The following CIBAR1 variants were observed in gnomAD, a reference collection of about 807,000 sequenced individuals.
The protein encoded by CIBAR1 is CBY1 interacting BAR domain containing 1.
Under a neutral mutation model 44.0 loss-of-function variants are expected in CIBAR1, and 25 were observed. That is an observed-to-expected ratio of 0.57 (90% confidence interval 0.41 to 0.79). The LOEUF is 0.79. CIBAR1 is among the 30% of genes least tolerant of loss of function. The pLI, the probability that CIBAR1 is intolerant of heterozygous loss-of-function variation, is 0.00. For missense variants in CIBAR1, 278 were observed against 344.8 expected (o/e 0.81, Z 1.53); for synonymous variants, 115 against 119.0 (o/e 0.97, Z 0.22).
chr8:93,712,998 T>C lies in CIBAR1; in HGVS notation c.543+3123T>C, dbSNP rs183350517. 4.5e-4 allele frequency among the ~76,000 whole-genome samples: 68 copies of C among 150,752 alleles called. 2 individuals are homozygous for C. The East Asian group carries it at 0.012, about 27-fold the overall frequency. ...TATATCTGCCTTGAACAAATGGCTATTGAGATCCTTTACCCTTTTTTTCTC... is the reference window on the plus strand; with the variant it reads ...TATATCTGCCTTGAACAAATGGCTACTGAGATCCTTTACCCTTTTTTTCTC... On this transcript the variant is annotated intron_variant, in intron 6 of 8. Coordinates refer to ENST00000518322, the MANE Select transcript of CIBAR1 (RefSeq NM_145269.5).
intron 7 of CIBAR1, 135 bp from the exon 8 acceptor site, chr8:93,726,253 TTTTACA>T (rs1811492029): frequency 1.0e-5 from 7 of 702,698 alleles, no homozygotes; most frequent in Non-Finnish European, 1.6e-5. Flanking sequence ...TTGTCTTTTC[TTTTACA>T]TTTACAATAA....
chr8:93,709,414 G>A (rs1369513119), intron 5 of CIBAR1, among the ~76,000 whole-genome samples: 2 of 152,156 alleles, frequency 1.3e-5, no homozygotes, highest in East Asian at 3.9e-4. Context: ...TTTGATAAAT[G>A]GCACAGGTAG....
At chr8:93,703,492 G>A in intron 2 of CIBAR1, 128 bp from the exon 3 acceptor site, 1 of 562,556 alleles carries the variant, frequency 1.8e-6, no homozygotes, top group South Asian at 2.9e-5. Context: ...CTATTACTGT[G>A]CAGCTTAACA....
chr8:93,701,066 C>G, intron 1 of CIBAR1, 158 bp from the exon 2 acceptor site: 1 of 1,473,594 alleles, frequency 6.8e-7, no homozygotes, highest in South Asian at 1.4e-5. Flanking sequence ...AGGTCAGGAC[C>G]CCATGGAGAG....
rs541657683 is a variant in CIBAR1 at position 93,717,968 on chromosome 8, AC to A, written c.544-705del. On this transcript the variant is annotated intron_variant, in intron 6 of 8. Coordinates refer to ENST00000518322, the MANE Select transcript of CIBAR1 (RefSeq NM_145269.5). ...GGTTTCCATCATGCTTATAGAGGTTACCTGCACGGTTTATCTGTGAAGGAAA... is the reference window on the plus strand; with the variant it reads ...GGTTTCCATCATGCTTATAGAGGTTACTGCACGGTTTATCTGTGAAGGAAA... 5.8e-4 allele frequency among the ~76,000 whole-genome samples: 88 copies of A among 152,260 alleles called. 2 individuals are homozygous for A. The South Asian group carries it at 0.018, about 30-fold the overall frequency.
rs1810322198 is a variant in CIBAR1, at chr8:93,701,002, G to C, written c.27-222G>C. On this transcript the variant is annotated intron_variant, in intron 1 of 8. Coordinates refer to ENST00000518322, the MANE Select transcript of CIBAR1 (RefSeq NM_145269.5). ...CCGGAGCAGCCACCTCCCCAGTTAA[G>C]GCCAGGCCCACCCGGCCTGGGCCTT... 9 of 1,419,470 alleles carry C rather than the reference G, an allele frequency of 6.3e-6. 1 individual carries two copies. In the South Asian group the frequency reaches 1.3e-4, roughly 20 times the overall value. The allele number at this position is 1,419,470 out of a possible 1,614,324, so 87.9% of individuals were successfully genotyped here.
intron 5 of CIBAR1, among the ~76,000 whole-genome samples, chr8:93,709,245 A>C (rs1326508096): frequency 6.6e-6 from 1 of 152,182 alleles, no homozygotes; most frequent in African/African-American, 2.4e-5. Flanking sequence ...GTGCCACTGC[A>C]CTCTAGCCTG....
intron 3 of CIBAR1, among the ~76,000 whole-genome samples, chr8:93,703,948 C>G (rs577085631): frequency 2.0e-5 from 3 of 151,928 alleles, no homozygotes; most frequent in African/African-American, 7.2e-5. Flanking sequence ...CCTGTAATCC[C>G]AGCTACTCAG....
At chr8:93,709,650 A>G in intron 5 of CIBAR1, 121 bp from the exon 6 acceptor site, 1 of 744,518 alleles carries the variant, frequency 1.3e-6, no homozygotes, top group Admixed American at 2.1e-5. Flanking sequence ...ATATAATATT[A>G]ACAATTTACA....
rs1343250502 is a variant in CIBAR1 at position 93,729,493 on chromosome 8, A to G, written c.*1196A>G. 6.6e-6 allele frequency: 1 copy of G among 152,204 alleles called. No individual in the cohort carries two copies. Among genetic ancestry groups the G allele is most frequent in the Non-Finnish European group, 1.5e-5 (1 of 68,016 alleles). 9.4% of individuals were successfully genotyped at this position (152,204 alleles called of 1,614,324 possible). A position where few individuals can be genotyped will look rare whatever the true frequency, so the allele number is the denominator to read the frequency against. ...TTATTTTGCTGCTTACTAAATAGCA[A>G]CTTCTCTTGAGCATTATTTGCCTTG... On this transcript the variant is annotated 3_prime_UTR_variant, in exon 9 of 9. Transcript: ENST00000518322.
intron 2 of CIBAR1, among the ~76,000 whole-genome samples, chr8:93,702,787 G>A (rs1810415887): frequency 6.6e-6 from 1 of 151,854 alleles, no homozygotes; most frequent in Admixed American, 6.6e-5. Flanking sequence ...AAGTGTATTT[G>A]TCAATTATAT....
intron 7 of CIBAR1, among the ~76,000 whole-genome samples, chr8:93,719,112 C>G (rs777507517): frequency 6.6e-6 from 1 of 152,158 alleles, no homozygotes; most frequent in Non-Finnish European, 1.5e-5. Context: ...GATACGCCCA[C>G]CTCGGCCTCC....
chr8:93,718,167 T>C (rs1811106392), intron 6 of CIBAR1, among the ~76,000 whole-genome samples: 1 of 152,234 alleles, frequency 6.6e-6, no homozygotes. Context: ...ATATATGGTG[T>C]TATCATCAGT....
rs1397620270 is a variant in CIBAR1, at chr8:93,730,605, G to C, written c.*2308G>C. 1.3e-5 allele frequency: 2 copies of C among 152,114 alleles called. No individual in the cohort carries two copies. Among genetic ancestry groups the C allele is most frequent in the Non-Finnish European group, 2.9e-5 (2 of 68,026 alleles). The allele number at this position is 152,114 out of a possible 1,614,324, so 9.4% of individuals were successfully genotyped here. On this transcript the variant is annotated 3_prime_UTR_variant, in exon 9 of 9. Transcript: ENST00000518322. ...TTTGAAATTGATGAGGTGCTGGGAA[G>C]CTGGCTTTCTGAGGGGACAACAGGA...
chr8:93,707,849 A>G lies in CIBAR1; in HGVS notation c.433-162A>G, dbSNP rs190976849. ...AGTACTTAGTATCTTGAAAATGTGT[A>G]GTTGAATGAACTGAATTACATAAGT... On this transcript the variant is annotated intron_variant, in intron 4 of 8. Transcript: ENST00000518322. Among the ~76,000 whole-genome samples the G allele has an allele frequency of 1.7e-4, 26 of 152,322 alleles. 1 individual carries two copies. Among genetic ancestry groups the G allele is most frequent in the Admixed American group, 1.2e-3 (18 of 15,306 alleles).
At chr8:93,726,635 T>C in intron 8 of CIBAR1, 122 bp downstream of exon 8, 1 of 1,139,618 alleles carries the variant, frequency 8.8e-7, no homozygotes, top group Non-Finnish European at 1.3e-6. Flanking sequence ...ACCTATTTCT[T>C]CTCTTCTATA....
chr8:93,721,800 T>C (rs561618327), intron 7 of CIBAR1, among the ~76,000 whole-genome samples: 60 of 144,798 alleles, frequency 4.1e-4, no homozygotes, highest in African/African-American at 1.5e-3. Context: ...GTAATGATTT[T>C]TTTATATGAC....
At chr8:93,715,591 A>C (rs527631636) in intron 6 of CIBAR1, 1 of 152,296 alleles carries the variant, frequency 6.6e-6, no homozygotes, top group East Asian at 1.9e-4. Flanking sequence ...AGCATTTTGC[A>C]TGAATAAACT....
intron 1 of CIBAR1, 183 bp downstream of exon 1, chr8:93,700,856 A>G: frequency 7.6e-7 from 1 of 1,310,324 alleles, no homozygotes; most frequent in Admixed American, 4.0e-5. Flanking sequence ...GGCGAAGAGG[A>G]GCCCGGGGCC....
Sources: allele counts gnomAD v4.1 joint callset (sites outside exome capture counted in the v4.1 genomes callset), GRCh38; gene constraint gnomAD v4.1.1; transcripts MANE v1.5; gene names NCBI Gene and HGNC (gene_info 2026-07-23, HGNC 2026-07-21).